Variants in TUSC3 observed in about 807,000 individuals in gnomAD.
The protein encoded by TUSC3 is tumor suppressor candidate 3.
A neutral mutation model predicts 44.8 loss-of-function variants in TUSC3; 45 were observed. That is an observed-to-expected ratio of 1.00 (90% CI 0.79 to 1.29). The LOEUF is 1.29. Ranked by LOEUF, TUSC3 falls within the 50% of genes most tolerant of loss-of-function variation. The pLI is 0.00. For synonymous variants in TUSC3, 212 were observed against 152.9 expected, an observed-to-expected ratio of 1.39 and a Z score of -2.85; for missense variants, 519 against 437.9, an observed-to-expected ratio of 1.19 and a Z score of -1.65.
intron 2 of TUSC3, among the ~76,000 whole-genome samples, chr8:15,507,064 A>G (rs1029707389): frequency 6.6e-6 from 1 of 152,216 alleles, no homozygotes; most frequent in African/African-American, 2.4e-5. Flanking sequence ...ATGTATACAT[A>G]TGAAATAACT....
chr8:15,719,257 C>G (rs1210875343), intron 6 of TUSC3, among the ~76,000 whole-genome samples: 1 of 151,988 alleles, frequency 6.6e-6, no homozygotes, highest in Non-Finnish European at 1.5e-5. Context: ...ATCTTAAGGC[C>G]TTCATGCTGG....
chr8:15,618,601 C>T (rs1026687951), intron 1 of TUSC3, among the ~76,000 whole-genome samples: 5 of 152,120 alleles, frequency 3.3e-5, no homozygotes, highest in Non-Finnish European at 7.4e-5. Context: ...CTTCTGGACA[C>T]CTCGTAAAGG....
intron 6 of TUSC3, among the ~76,000 whole-genome samples, chr8:15,727,216 T>C (rs1396220591): frequency 6.6e-6 from 1 of 152,174 alleles, no homozygotes; most frequent in East Asian, 1.9e-4. Flanking sequence ...TTTAGGTGAA[T>C]TAAGTCATTG....
chr8:15,816,357 G>C, the TUSC3 span, among the ~76,000 whole-genome samples: 48 of 152,206 alleles, frequency 3.2e-4, no homozygotes, highest in East Asian at 3.1e-3. Context: ...TAATGGAAGG[G>C]GTGGCAATGT....
chr8:15,770,902 A>G (rs1812430842), downstream of TUSC3, among the ~76,000 whole-genome samples: 1 of 152,224 alleles, frequency 6.6e-6, no homozygotes, highest in Non-Finnish European at 1.5e-5. Context: ...CATGAAGCCA[A>G]TATCCAAGAA....
intron 10 of TUSC3, among the ~76,000 whole-genome samples, chr8:15,762,611 G>C (rs752376274): frequency 6.6e-6 from 1 of 152,032 alleles, no homozygotes; most frequent in Non-Finnish European, 1.5e-5. Flanking sequence ...AATCTGCAGA[G>C]CCTTTAAACA....
At chr8:15,647,680 C>A (rs1806694095) in intron 2 of TUSC3, among the ~76,000 whole-genome samples, 1 of 152,090 alleles carries the variant, frequency 6.6e-6, no homozygotes, top group Non-Finnish European at 1.5e-5. Flanking sequence ...TTCACACTAC[C>A]TTTTCTATCA....
intron 6 of TUSC3, among the ~76,000 whole-genome samples, chr8:15,721,033 GAGAT>G (rs1164344512): frequency 6.6e-6 from 1 of 152,070 alleles, no homozygotes; most frequent in Non-Finnish European, 1.5e-5. Flanking sequence ...GAAAATGTAA[GAGAT>G]AGACTATGCT....
At position 15,589,829 on chromosome 8, in the gene TUSC3, T is replaced by G. The variant is rs138793963; in HGVS notation, c.139-33251T>G. On this transcript the variant is annotated intron_variant, in intron 1 of 10. Coordinates refer to ENST00000503731, the MANE Select transcript of TUSC3 (RefSeq NM_006765.4). ...GTGAGTTAATGGTTGAGCCAAGCCATGAACAAAATTCTGATTCTAGAACTT... is the reference window on the plus strand; with the variant it reads ...GTGAGTTAATGGTTGAGCCAAGCCAGGAACAAAATTCTGATTCTAGAACTT... Among the ~76,000 whole-genome samples, 19 of 152,290 alleles carry G rather than the reference T, an allele frequency of 1.2e-4. No individual in the cohort carries two copies. The East Asian group carries it at 3.7e-3, about 29-fold the overall frequency.
intron 2 of TUSC3, 70 bp from the exon 3 acceptor site, chr8:15,650,620 GGTTGTCT>G: frequency 8.1e-7 from 1 of 1,236,966 alleles, no homozygotes; most frequent in Non-Finnish European, 1.2e-6. Flanking sequence ...CTTGTCCTAG[GGTTGTCT>G]GTTTTAATAA....
chr8:15,797,426 C>G, the TUSC3 span, among the ~76,000 whole-genome samples: 1 of 152,050 alleles, frequency 6.6e-6, no homozygotes, highest in African/African-American at 2.4e-5. Flanking sequence ...CACTGTGAAT[C>G]CACCCACATG....
intron 6 of TUSC3, among the ~76,000 whole-genome samples, chr8:15,688,400 T>C (rs899631096): frequency 1.3e-5 from 2 of 150,482 alleles, no homozygotes; most frequent in African/African-American, 4.9e-5. Context: ...TTACATAAAA[T>C]AAACATTCAA....
At chr8:15,828,606 T>G in the TUSC3 span, among the ~76,000 whole-genome samples, 6 of 152,366 alleles carry the variant, frequency 3.9e-5, no homozygotes, top group African/African-American at 7.2e-5. Context: ...ATGCATCTAT[T>G]GCTTTTGGAT....
chr8:15,637,318 T>G (rs1734159115), intron 2 of TUSC3, among the ~76,000 whole-genome samples: 1 of 152,218 alleles, frequency 6.6e-6, no homozygotes, highest in East Asian at 1.9e-4. Context: ...AACTCCATTT[T>G]TCTTTGAAGA....
In TUSC3 at chr8:15,573,227, TATA is replaced by T. The variant is rs1304336178; in HGVS notation, c.138+32661_138+32663del. 7.1e-4 allele frequency among the ~76,000 whole-genome samples: 92 copies of T among 128,732 alleles called. 1 individual carries two copies. The highest frequency in any genetic ancestry group is 4.0e-3 in the Middle Eastern group (1 of 252). The allele number at this position is 128,732 out of a possible 152,430, so 84.5% of individuals were successfully genotyped here. Reference sequence around the variant, plus strand: ...CTATATATATATATATATATATATATATAAAAGTTTTTTTTTTTTTGGGCATAC... The same window carrying T: ...CTATATATATATATATATATATATATAAAGTTTTTTTTTTTTTGGGCATAC... On this transcript the variant is annotated intron_variant, in intron 1 of 10. Coordinates refer to ENST00000503731, the MANE Select transcript of TUSC3 (RefSeq NM_006765.4).
At chr8:15,639,876 G>A (rs1161103643) in intron 2 of TUSC3, among the ~76,000 whole-genome samples, 1 of 144,784 alleles carries the variant, frequency 6.9e-6, no homozygotes, top group Admixed American at 6.9e-5. Context: ...GTGATAGGTT[G>A]TTGTCTTTGT....
chr8:15,777,270 C>G, the TUSC3 span, among the ~76,000 whole-genome samples: 3 of 152,154 alleles, frequency 2.0e-5, no homozygotes, highest in South Asian at 2.1e-4. Flanking sequence ...TTCCCCCCCA[C>G]CTTTTCGGGA....
intron 6 of TUSC3, among the ~76,000 whole-genome samples, chr8:15,675,161 G>T (rs1199138133): frequency 6.6e-6 from 1 of 152,078 alleles, no homozygotes; most frequent in Non-Finnish European, 1.5e-5. Context: ...ATCAGGTTTT[G>T]TCACTGATAC....
chr8:15,748,038 G>A (rs1811497125), intron 8 of TUSC3, among the ~76,000 whole-genome samples: 1 of 152,036 alleles, frequency 6.6e-6, no homozygotes, highest in South Asian at 2.1e-4. Context: ...TTTATAACAT[G>A]TTTTGTTTTG....
Sources: gnomAD v4.1 joint callset for allele counts (sites outside exome capture counted in the v4.1 genomes callset) on GRCh38, gnomAD v4.1.1 for gene constraint, MANE v1.5 for transcripts, NCBI Gene and HGNC (gene_info 2026-07-23, HGNC 2026-07-21) for gene names.